Variants in UBASH3B observed in about 807,000 individuals in gnomAD.
The protein encoded by UBASH3B is ubiquitin-associated and SH3 domain-containing protein B.
UBASH3B carries 37 observed loss-of-function variants against 83.4 expected under a neutral mutation model. That is an observed-to-expected ratio of 0.44 (90% CI 0.34 to 0.58). The LOEUF is 0.58. Among genes scored for constraint, UBASH3B ranks in the 20% least tolerant of loss-of-function variants. The pLI, the probability that UBASH3B is intolerant of heterozygous loss-of-function variation, is 0.01. For synonymous variants in UBASH3B, 304 were observed against 318.3 expected (o/e 0.96, Z 0.48); for missense variants, 657 against 827.2 (o/e 0.79, Z 2.52).
At chr11:122,666,401 T>C (rs1863519852) in intron 1 of UBASH3B, among the ~76,000 whole-genome samples, 1 of 152,178 alleles carries the variant, frequency 6.6e-6, no homozygotes. Context: ...GTTTTTGTTT[T>C]TTTTTTCTTT....
At chr11:122,699,531 C>CTCTTTCTTTCTTTCTCTTTCTTTT (rs1555137140) in intron 1 of UBASH3B, among the ~76,000 whole-genome samples, 1 of 107,866 alleles carries the variant, frequency 9.3e-6, no homozygotes, top group African/African-American at 3.5e-5. Flanking sequence ...TTCTTTCTTT[C>CTCTTTCTTTCTTTCTCTTTCTTTT]TCTTTCTTTC....
Position 122,801,350 on chromosome 11 carries a change from C to T in UBASH3B, c.1595+18C>T. 2 of 1,612,296 alleles carry T rather than the reference C, an allele frequency of 1.2e-6. No individual in the cohort carries two copies. The highest frequency in any genetic ancestry group is 1.7e-6 in the Non-Finnish European group (2 of 1,179,756). On this transcript the variant is annotated intron_variant, in intron 11 of 13. Coordinates refer to ENST00000284273, the MANE Select transcript of UBASH3B (RefSeq NM_032873.5). The stretch of plus-strand genomic sequence containing the variant: ...ACCTACAGGTAAGCCTCGGAAACTG[C>T]TGCTTACTGAGGCCAGTGTGGAAGT...
Position 122,672,856 on chromosome 11 carries a change from A to T in UBASH3B, c.161+16646A>T, listed in dbSNP as rs1254794753. ...GGAGCATACCTAAAGTCCCTGGGGG[A>T]CCAGGCTGGGCCAGCCTGCAGTAGG... On this transcript the variant is annotated intron_variant, in intron 1 of 13. Transcript: ENST00000284273. Among the ~76,000 whole-genome samples the T allele has an allele frequency of 2.0e-5, 3 of 152,106 alleles. No homozygotes were observed. In the East Asian group the frequency reaches 5.8e-4, roughly 30 times the overall value.
At chr11:122,696,414 G>A (rs1390933541) in intron 1 of UBASH3B, among the ~76,000 whole-genome samples, 3 of 150,770 alleles carry the variant, frequency 2.0e-5, no homozygotes, top group Non-Finnish European at 4.4e-5. Flanking sequence ...GGGTTCAAGC[G>A]ATTCTCCTGC....
chr11:122,722,904 A>G (rs1006952794), intron 1 of UBASH3B, among the ~76,000 whole-genome samples: 6 of 152,016 alleles, frequency 3.9e-5, no homozygotes, highest in African/African-American at 7.2e-5. Context: ...GCGGGGTTTC[A>G]CCATGTTAGC....
At chr11:122,680,526 C>T (rs561414361) in intron 1 of UBASH3B, among the ~76,000 whole-genome samples, 10 of 152,170 alleles carry the variant, frequency 6.6e-5, no homozygotes, top group Non-Finnish European at 1.2e-4. Context: ...TGCAATGGCG[C>T]GATCTTGGCT....
At chr11:122,711,602 G>A (rs1473742407) in intron 1 of UBASH3B, among the ~76,000 whole-genome samples, 1 of 152,200 alleles carries the variant, frequency 6.6e-6, no homozygotes, top group East Asian at 1.9e-4. Context: ...CATGCCCCCG[G>A]GCACTTCAGC....
At chr11:122,713,853 C>G (rs1001302148) in intron 1 of UBASH3B, among the ~76,000 whole-genome samples, 2 of 152,096 alleles carry the variant, frequency 1.3e-5, no homozygotes, top group African/African-American at 4.8e-5. Context: ...ACCAGTAACT[C>G]AGATATGCAG....
In UBASH3B at chr11:122,806,629, T is replaced by A; in HGVS notation, c.1702+113T>A. 1.5e-6 allele frequency: 2 copies of A among 1,330,938 alleles called. No homozygotes were observed. The highest frequency in any genetic ancestry group is 1.9e-6 in the Non-Finnish European group (2 of 1,029,848). The allele number at this position is 1,330,938 out of a possible 1,614,324, so 82.4% of individuals were successfully genotyped here. ...CTTTGGCTAACCAAAGAAATGTATT[T>A]CCAGATTTTCTTCCAGATACTTTTA... On this transcript the variant is annotated intron_variant, in intron 12 of 13. Coordinates refer to ENST00000284273, the MANE Select transcript of UBASH3B (RefSeq NM_032873.5). The surrounding 1 kb of genome is among the most constrained non-coding windows in gnomAD (Gnocchi z 4.0).
At chr11:122,787,306 G>A (rs1860972594) in intron 5 of UBASH3B, among the ~76,000 whole-genome samples, 1 of 152,112 alleles carries the variant, frequency 6.6e-6, no homozygotes, top group South Asian at 2.1e-4. Flanking sequence ...GGCTTGTTTG[G>A]GGAGGTGGTT....
At chr11:122,774,591 A>T (rs1486920306) in intron 1 of UBASH3B, among the ~76,000 whole-genome samples, 1 of 152,192 alleles carries the variant, frequency 6.6e-6, no homozygotes, top group African/African-American at 2.4e-5. Flanking sequence ...ATAGAAGGGT[A>T]GGACAAGGAA....
Position 122,806,555 on chromosome 11 carries a change from G to A in UBASH3B, c.1702+39G>A. 1 of 1,513,156 alleles carries A rather than the reference G, an allele frequency of 6.6e-7. No individual in the cohort carries two copies. Among genetic ancestry groups the A allele is most frequent in the Non-Finnish European group, 8.8e-7 (1 of 1,138,874 alleles). The allele number at this position is 1,513,156 out of a possible 1,614,324, so 93.7% of individuals were successfully genotyped here. On this transcript the variant is annotated intron_variant, in intron 12 of 13. Coordinates refer to ENST00000284273, the MANE Select transcript of UBASH3B (RefSeq NM_032873.5). This position sits in a 1 kb window ranked among gnomAD's most constrained non-coding sequence, Gnocchi z 4.0. ...TTCTGAACTCCATCTGTACATACGT[G>A]ATTATTTCTCTATAATGGTTAATAG...
intron 4 of UBASH3B, among the ~76,000 whole-genome samples, chr11:122,782,087 CAA>C (rs1210934576): frequency 6.6e-6 from 1 of 152,020 alleles, no homozygotes; most frequent in African/African-American, 2.4e-5. Flanking sequence ...ATTGTAAATA[CAA>C]AAGAGGCCAG....
At chr11:122,708,151 A>G (rs536592373) in intron 1 of UBASH3B, among the ~76,000 whole-genome samples, 1 of 152,334 alleles carries the variant, frequency 6.6e-6, no homozygotes, top group Admixed American at 6.5e-5. Context: ...CTCAGTGTCC[A>G]AAGGAAAGGA....
intron 1 of UBASH3B, among the ~76,000 whole-genome samples, chr11:122,724,269 C>T (rs1207725445): frequency 3.3e-5 from 5 of 152,162 alleles, no homozygotes; most frequent in African/African-American, 9.7e-5. Context: ...ACACTGGTAC[C>T]TACTTCTTCA....
At chr11:122,696,376 C>G (rs1243706685) in intron 1 of UBASH3B, among the ~76,000 whole-genome samples, 1 of 143,982 alleles carries the variant, frequency 6.9e-6, no homozygotes, top group African/African-American at 2.5e-5. Flanking sequence ...GTTCTGTCAC[C>G]CAGGCTGGAG....
At chr11:122,791,000 A>T (rs985373480) in intron 6 of UBASH3B, among the ~76,000 whole-genome samples, 7 of 151,788 alleles carry the variant, frequency 4.6e-5, no homozygotes. Flanking sequence ...GATCTCTTAG[A>T]GTTCACTCCA....
chr11:122,804,800 AG>A (rs1861309886), intron 11 of UBASH3B, among the ~76,000 whole-genome samples: 1 of 152,248 alleles, frequency 6.6e-6, no homozygotes, highest in African/African-American at 2.4e-5. Context: ...CTAAACACCC[AG>A]CAGTGAAAGA....
At chr11:122,688,865 C>T (rs888691582) in intron 1 of UBASH3B, among the ~76,000 whole-genome samples, 8 of 151,714 alleles carry the variant, frequency 5.3e-5, no homozygotes, top group Non-Finnish European at 7.4e-5. Flanking sequence ...AGGATGGTGT[C>T]GATCTCCTGA....
Sources: allele counts gnomAD v4.1 joint callset (sites outside exome capture counted in the v4.1 genomes callset), GRCh38; gene constraint gnomAD v4.1.1; non-coding constraint Gnocchi (gnomAD v3.1); transcripts MANE v1.5; gene names NCBI Gene and HGNC (gene_info 2026-07-23, HGNC 2026-07-21).